The following GRHL2 variants were observed in gnomAD, a reference collection of about 807,000 sequenced individuals.
GRHL2 encodes the protein grainyhead like transcription factor 2.
A neutral mutation model predicts 83.8 loss-of-function variants in GRHL2; 21 were observed. That is an observed-to-expected ratio of 0.25 (90% confidence interval 0.18 to 0.36). GRHL2 has a LOEUF of 0.36. Among genes scored for constraint, GRHL2 ranks in the 10% least tolerant of loss-of-function variants. The pLI is 1.00. For synonymous variants in GRHL2, 280 were observed against 278.9 expected (o/e 1.00, Z -0.04); for missense variants, 623 against 781.8 (o/e 0.80, Z 2.42).
At chr8:101,498,871 C>G (rs912588131) in intron 1 of GRHL2, among the ~76,000 whole-genome samples, 2 of 151,956 alleles carry the variant, frequency 1.3e-5, no homozygotes, top group African/African-American at 2.4e-5. Flanking sequence ...GTCAGGAGAT[C>G]GAGACCATCC....
At position 101,512,871 on chromosome 8, in the gene GRHL2, G is replaced by A. The variant is rs138558719; in HGVS notation, c.20+20082G>A. ...AAACAACAGAAACTGATGTCTCACC[G>A]TTTCGTAGGCTAAAGGTCTGAGATC... On this transcript the variant is annotated intron_variant, in intron 1 of 15. Transcript: ENST00000646743. 1.2e-4 allele frequency among the ~76,000 whole-genome samples: 18 copies of A among 152,238 alleles called. No individual in the cohort carries two copies. In the East Asian group the frequency reaches 2.7e-3, roughly 23 times the overall value.
At chr8:101,539,113 A>G (rs1459726806) in intron 1 of GRHL2, among the ~76,000 whole-genome samples, 2 of 152,212 alleles carry the variant, frequency 1.3e-5, no homozygotes, top group Non-Finnish European at 2.9e-5. Context: ...AAATCCCTCC[A>G]GTGAATCAGG....
chr8:101,548,154 TATCC>T (rs1346309835), intron 2 of GRHL2, among the ~76,000 whole-genome samples: 10 of 152,092 alleles, frequency 6.6e-5, no homozygotes, highest in Non-Finnish European at 1.3e-4. Context: ...TCTATCCATC[TATCC>T]ATCCATCCAT....
chr8:101,542,948 C>T (rs1404706282), intron 1 of GRHL2, among the ~76,000 whole-genome samples: 1 of 152,160 alleles, frequency 6.6e-6, no homozygotes, highest in Non-Finnish European at 1.5e-5. Context: ...CCCTACCTTC[C>T]AATACCATCA....
At chr8:101,558,302 CT>C (rs1811528769) in intron 3 of GRHL2, 116 bp from the exon 4 acceptor site, 5 of 1,239,670 alleles carry the variant, frequency 4.0e-6, no homozygotes, top group Admixed American at 1.8e-5. Flanking sequence ...TGCCAGCCCC[CT>C]GTCCCTTAAT....
Position 101,570,389 on chromosome 8 carries a change from A to T in GRHL2, c.729A>T (p.Thr243=). The change falls in exon 5 of 16, where the codon ACA becomes ACT. Residue 243 remains threonine (T), a synonymous_variant. Coordinates refer to ENST00000646743, the MANE Select transcript of GRHL2 (RefSeq NM_024915.4). ...VGAEEYMYDQ[T]SSGTFQYTLE... is the part of the protein sequence containing the mutation. ...CTGAGGAGTACATGTATGATCAGAC[A>T]TCAAGGTGAGTTACCAGGAGATGCA... 6.2e-7 allele frequency: 1 copy of T among 1,613,732 alleles called. No individual in the cohort carries two copies. The highest frequency in any genetic ancestry group is 1.1e-5 in the South Asian group (1 of 91,072).
At chr8:101,497,476 ACAGG>A (rs1810131773) in intron 1 of GRHL2, among the ~76,000 whole-genome samples, 1 of 152,244 alleles carries the variant, frequency 6.6e-6, no homozygotes, top group Non-Finnish European at 1.5e-5. Context: ...AAACTGACAT[ACAGG>A]CAAAGTTAAC....
chr8:101,542,650 C>A (rs1249370458), intron 1 of GRHL2: 2 of 402,890 alleles, frequency 5.0e-6, no homozygotes, highest in Non-Finnish European at 1.0e-5. Context: ...TTGTTTTAGT[C>A]AATTTTGTGC....
intron 12 of GRHL2, 68 bp from the exon 13 acceptor site, chr8:101,644,061 GAC>G: frequency 1.5e-6 from 2 of 1,300,498 alleles, no homozygotes; most frequent in East Asian, 4.7e-5. Context: ...GACAGAAACG[GAC>G]ACACATGTGA....
chr8:101,496,672 A>C (rs1434693321), intron 1 of GRHL2, among the ~76,000 whole-genome samples: 2 of 152,118 alleles, frequency 1.3e-5, no homozygotes, highest in African/African-American at 4.8e-5. Context: ...GGAAAGCAAA[A>C]CCAGCTGGAG....
chr8:101,675,872 A>G, the GRHL2 span, among the ~76,000 whole-genome samples: 1 of 152,198 alleles, frequency 6.6e-6, no homozygotes, highest in Non-Finnish European at 1.5e-5. Flanking sequence ...ATATAGATCA[A>G]TGGAACAGAA....
intron 2 of GRHL2, among the ~76,000 whole-genome samples, chr8:101,549,049 G>A (rs755602554): frequency 8.0e-4 from 121 of 152,044 alleles, no homozygotes; most frequent in Non-Finnish European, 8.7e-4. Context: ...TACAAGGTAG[G>A]CATAGAGACT....
At chr8:101,615,594 A>T (rs545625552) in intron 8 of GRHL2, among the ~76,000 whole-genome samples, 13 of 152,368 alleles carry the variant, frequency 8.5e-5, no homozygotes, top group African/African-American at 2.2e-4. Context: ...GAACAACTGC[A>T]TAGCTCACCA....
chr8:101,505,155 G>A (rs1040030592), intron 1 of GRHL2, among the ~76,000 whole-genome samples: 3 of 152,068 alleles, frequency 2.0e-5, no homozygotes, highest in African/African-American at 7.2e-5. Flanking sequence ...ATTTGCAATT[G>A]CCCCTTCTCT....
the GRHL2 span, among the ~76,000 whole-genome samples, chr8:101,677,994 TTCTC>T: frequency 6.6e-6 from 1 of 152,190 alleles, no homozygotes; most frequent in Non-Finnish European, 1.5e-5. Context: ...CAACATTTTT[TTCTC>T]TGTTTCTTCG....
intron 7 of GRHL2, among the ~76,000 whole-genome samples, chr8:101,589,925 G>A (rs917627585): frequency 6.6e-5 from 10 of 152,174 alleles, no homozygotes; most frequent in Non-Finnish European, 1.5e-4. Flanking sequence ...AATTTCGTAA[G>A]TTCTAATCCC....
At chr8:101,553,335 A>G (rs1811423605) in intron 3 of GRHL2, among the ~76,000 whole-genome samples, 1 of 152,250 alleles carries the variant, frequency 6.6e-6, no homozygotes, top group Non-Finnish European at 1.5e-5. Context: ...AGCAAGGCAC[A>G]GTCAGATAAA....
chr8:101,644,947 C>T (rs1813480058), intron 13 of GRHL2, among the ~76,000 whole-genome samples: 1 of 151,342 alleles, frequency 6.6e-6, no homozygotes, highest in Non-Finnish European at 1.5e-5. Flanking sequence ...TGATGACTTT[C>T]AGCTATCCTC....
chr8:101,672,224 G>A (rs1299630968), downstream of GRHL2, among the ~76,000 whole-genome samples: 2 of 151,742 alleles, frequency 1.3e-5, 1 homozygote, highest in African/African-American at 4.9e-5. Flanking sequence ...GACGAGCTGA[G>A]AGAAGAAGGC....
Sources: gnomAD v4.1 joint callset for allele counts (sites outside exome capture counted in the v4.1 genomes callset) on GRCh38, gnomAD v4.1.1 for gene constraint, MANE v1.5 for transcripts, NCBI Gene and HGNC (gene_info 2026-07-23, HGNC 2026-07-21) for gene names.